The following PCDH7 variants were observed in gnomAD, a reference collection of about 807,000 sequenced individuals.
PCDH7 encodes the protein protocadherin-7.
PCDH7 carries 17 observed loss-of-function variants against 58.9 expected under a neutral mutation model. The ratio of observed to expected loss-of-function variants is 0.29; its 90% CI spans 0.20 to 0.43. The LOEUF (loss-of-function observed/expected upper bound fraction) is 0.43. Ranked by LOEUF, PCDH7 falls within the 20% of genes least tolerant of loss-of-function variation. The pLI, the probability that PCDH7 is intolerant of heterozygous loss-of-function variation, is 1.00. For synonymous variants in PCDH7, 664 were observed against 616.4 expected, an observed-to-expected ratio of 1.08 and a Z score of -1.14; for missense variants, 1,274 against 1,441.0, an observed-to-expected ratio of 0.88 and a Z score of 1.88.
intron 1 of PCDH7, among the ~76,000 whole-genome samples, chr4:30,774,237 C>G (rs1324199761): frequency 1.3e-5 from 2 of 152,148 alleles, no homozygotes; most frequent in African/African-American, 4.8e-5. Context: ...GTCTTGTTCT[C>G]TCTGTACCCT....
At chr4:30,755,778 A>T (rs1322222188) in intron 1 of PCDH7, among the ~76,000 whole-genome samples, 1 of 152,030 alleles carries the variant, frequency 6.6e-6, no homozygotes, top group East Asian at 1.9e-4. Flanking sequence ...GGGCTTTTGT[A>T]CTGCATTAAA....
At chr4:31,087,258 C>T (rs139301155) in intron 3 of PCDH7, among the ~76,000 whole-genome samples, 22 of 152,146 alleles carry the variant, frequency 1.4e-4, no homozygotes, top group African/African-American at 5.3e-4. Flanking sequence ...GTGGTGTCTG[C>T]ACCTTTTTTT....
At chr4:30,881,976 TACC>T (rs1164702008) in intron 1 of PCDH7, among the ~76,000 whole-genome samples, 2 of 152,146 alleles carry the variant, frequency 1.3e-5, no homozygotes, top group Admixed American at 6.6e-5. Flanking sequence ...CCTTAAAGGC[TACC>T]AAGTGTGAAA....
At chr4:31,137,026 T>C (rs752485185) in intron 3 of PCDH7, among the ~76,000 whole-genome samples, 8 of 152,260 alleles carry the variant, frequency 5.3e-5, no homozygotes, top group Admixed American at 1.3e-4. Flanking sequence ...TTTAGACTAA[T>C]GACAGTGAAG....
chr4:30,777,727 T>G (rs1176568110), intron 1 of PCDH7, among the ~76,000 whole-genome samples: 1 of 152,196 alleles, frequency 6.6e-6, no homozygotes, highest in Non-Finnish European at 1.5e-5. Flanking sequence ...GAAACAACTT[T>G]CATTTACTAC....
intron 2 of PCDH7, among the ~76,000 whole-genome samples, chr4:30,948,831 C>T (rs1175554861): frequency 5.3e-5 from 8 of 151,976 alleles, no homozygotes; most frequent in African/African-American, 1.7e-4. Flanking sequence ...TAACTAGATA[C>T]GATGGCTAAT....
chr4:30,847,989 A>G (rs1239795465), intron 1 of PCDH7, among the ~76,000 whole-genome samples: 3 of 152,142 alleles, frequency 2.0e-5, no homozygotes. Context: ...TTTTGCAGCT[A>G]TTAATATATA....
rs544039821 is a variant in PCDH7 at position 31,108,449 on chromosome 4, G to T, written c.*8-34024G>T. On this transcript the variant is annotated intron_variant, in intron 3 of 3. Coordinates refer to the PCDH7 transcript ENST00000509759. ...TACAGGAAAAAGAGACGGGGGAAAC[G>T]AGTGCCAAAAGATTGAATAATCTTT... 1.6e-3 allele frequency among the ~76,000 whole-genome samples: 221 copies of T among 136,732 alleles called. 1 individual carries two copies. Among genetic ancestry groups the T allele is most frequent in the Non-Finnish European group, 2.9e-3 (186 of 63,656 alleles). 89.7% of individuals were successfully genotyped at this position (136,732 alleles called of 152,430 possible). A position where few individuals can be genotyped will look rare whatever the true frequency, so the allele number is the denominator to read the frequency against.
At chr4:30,948,440 G>A (rs966397380) in intron 2 of PCDH7, among the ~76,000 whole-genome samples, 2 of 151,952 alleles carry the variant, frequency 1.3e-5, no homozygotes, top group African/African-American at 2.4e-5. Context: ...AATAATCACT[G>A]AGGAATATTT....
chr4:30,832,030 C>G (rs1296871581), intron 1 of PCDH7, among the ~76,000 whole-genome samples: 1 of 152,140 alleles, frequency 6.6e-6, no homozygotes, highest in Non-Finnish European at 1.5e-5. Context: ...AAAAGTAACA[C>G]TTTAGAAAAG....
chr4:31,001,840 T>C (rs1752384852), intron 3 of PCDH7, among the ~76,000 whole-genome samples: 1 of 152,180 alleles, frequency 6.6e-6, no homozygotes, highest in African/African-American at 2.4e-5. Context: ...AACAAAATTA[T>C]TTACCCCTAC....
At chr4:30,837,902 T>A (rs961083982) in intron 1 of PCDH7, among the ~76,000 whole-genome samples, 4 of 27,642 alleles carry the variant, frequency 1.4e-4, no homozygotes, top group Non-Finnish European at 2.6e-4. Context: ...GTATATTTTA[T>A]ATATATATAT....
intron 1 of PCDH7, among the ~76,000 whole-genome samples, chr4:30,790,466 A>G (rs1375969276): frequency 2.6e-5 from 4 of 152,228 alleles, no homozygotes; most frequent in South Asian, 2.1e-4. Context: ...ATTGAGAACT[A>G]TCTAGGGATG....
intron 1 of PCDH7, among the ~76,000 whole-genome samples, chr4:30,858,686 A>G (rs1435978851): frequency 6.6e-6 from 1 of 152,156 alleles, no homozygotes; most frequent in Non-Finnish European, 1.5e-5. Flanking sequence ...AGAGTAGCAA[A>G]AGCCTGTGTA....
intron 3 of PCDH7, among the ~76,000 whole-genome samples, chr4:31,072,643 G>T (rs920246036): frequency 1.3e-5 from 2 of 152,102 alleles, no homozygotes; most frequent in Middle Eastern, 6.8e-3. Flanking sequence ...AGATATGAAG[G>T]CCAGAAGTCC....
chr4:30,827,204 A>G (rs57816723), intron 1 of PCDH7, among the ~76,000 whole-genome samples: 5,699 of 152,280 alleles, frequency 0.037, 347 homozygotes, highest in African/African-American at 0.13. Flanking sequence ...CTTACTATAT[A>G]GTGCTTGCTT....
At chr4:30,802,460 A>T (rs1293081643) in intron 1 of PCDH7, among the ~76,000 whole-genome samples, 1 of 152,086 alleles carries the variant, frequency 6.6e-6, no homozygotes, top group Non-Finnish European at 1.5e-5. Context: ...GGTTGAAAAA[A>T]AGTTAGAGGT....
chr4:31,069,362 G>GTGTCTCA (rs1560619482), intron 3 of PCDH7, among the ~76,000 whole-genome samples: 1 of 150,962 alleles, frequency 6.6e-6, no homozygotes, highest in Non-Finnish European at 1.5e-5. Context: ...AGTCTCCCTG[G>GTGTCTCA]TGCCTCATGC....
intron 1 of PCDH7, among the ~76,000 whole-genome samples, chr4:30,729,650 C>A (rs1467553680): frequency 2.0e-5 from 3 of 151,880 alleles, no homozygotes; most frequent in African/African-American, 7.2e-5. Context: ...ATGTATGAAA[C>A]TTTTTATGCA....
Sources: allele counts gnomAD v4.1 joint callset (sites outside exome capture counted in the v4.1 genomes callset), GRCh38; gene constraint gnomAD v4.1.1; transcripts MANE v1.5; gene names NCBI Gene and HGNC (gene_info 2026-07-23, HGNC 2026-07-21).